TEDC1: variants seen among roughly 807,000 people sequenced by gnomAD.
The protein encoded by TEDC1 is tubulin epsilon and delta complex protein 1.
Under a neutral mutation model 59.9 loss-of-function variants are expected in TEDC1, and 54 were observed. The ratio of observed to expected loss-of-function variants is 0.90; its 90% CI spans 0.72 to 1.13. The LOEUF is 1.13. Among genes scored for constraint, TEDC1 ranks in the 50% most tolerant of loss-of-function variants. The pLI is 0.00. For synonymous variants in TEDC1, 353 were observed against 298.1 expected, an observed-to-expected ratio of 1.18 and a Z score of -1.90; for missense variants, 734 against 683.4, an observed-to-expected ratio of 1.07 and a Z score of -0.83.
chr14:105,495,891 G>A lies in TEDC1; in HGVS notation c.696G>A (p.Ala232=), dbSNP rs782728088. Residue 232 remains alanine (A), a synonymous_variant, in exon 6 of 9, where the codon GCG becomes GCA. Transcript: ENST00000392523. ...GGCTTCCTTCCAAGGTTTCTGGAGC[G>A]GGAGCTGCCCAAAACCTGGACCTGG... ...DPEGGQQVSG[A]GAAQNLDLAY... is the part of the protein sequence containing the mutation. 9.0e-6 allele frequency: 14 copies of A among 1,549,610 alleles called. No individual in the cohort carries two copies. Among genetic ancestry groups the A allele is most frequent in the East Asian group, 2.4e-5 (1 of 40,906 alleles).
chr14:105,491,390 G>A lies in TEDC1; in HGVS notation c.15G>A (p.Arg5=), dbSNP rs2084203187. MGRR[R]QRVDPAAGAR... ...GTGCTGGCTGCATGGGGAGGCGGCG[G>A]CAGCGGGTGGACCCCGCGGCTGGGG... The change falls in exon 1 of 9, where the codon CGG becomes CGA. Residue 5 remains arginine (R), a synonymous_variant. Transcript: ENST00000392523. 1.1e-5 allele frequency: 16 copies of A among 1,421,638 alleles called. No individual in the cohort carries two copies. The highest frequency in any genetic ancestry group is 1.5e-5 in the Non-Finnish European group (16 of 1,097,230). 88.1% of individuals were successfully genotyped at this position (1,421,638 alleles called of 1,614,324 possible). A position where few individuals can be genotyped will look rare whatever the true frequency, so the allele number is the denominator to read the frequency against.
intron 5 of TEDC1, 45 bp downstream of exon 5, chr14:105,493,978 G>GC: frequency 2.1e-6 from 1 of 481,100 alleles, no homozygotes; most frequent in Non-Finnish European, 3.8e-6. Context: ...GTGGGCTGGG[G>GC]GGCACAGCAG....
Position 105,499,223 on chromosome 14 carries a change from T to TC in TEDC1, c.*279dup. On this transcript the variant is annotated 3_prime_UTR_variant, in exon 9 of 9. Transcript: ENST00000392523. The stretch of plus-strand genomic sequence containing the variant: ...ACTCGGAAATAAATTGTAGCAGCTT[T>TC]CCTGCCGCTGGCCCTCCCCCTGCCA... The TC allele has an allele frequency of 1.9e-6, 1 of 534,924 alleles. No homozygotes were observed. Among genetic ancestry groups the TC allele is most frequent in the Non-Finnish European group, 3.3e-6 (1 of 300,648 alleles). 33.1% of individuals were successfully genotyped at this position (534,924 alleles called of 1,614,324 possible).
chr14:105,494,970 A>G (rs1419577311), intron 5 of TEDC1: 2 of 152,314 alleles, frequency 1.3e-5, no homozygotes, highest in African/African-American at 4.8e-5. Flanking sequence ...TCCTGGGTTC[A>G]AGCGATTTTC....
At position 105,498,960 on chromosome 14, in the gene TEDC1, G is replaced by A. The variant is rs1555441180; in HGVS notation, c.*14G>A. 3.2e-6 allele frequency: 5 copies of A among 1,586,194 alleles called. No individual in the cohort carries two copies. Among genetic ancestry groups the A allele is most frequent in the Admixed American group, 1.7e-5 (1 of 57,490 alleles). On this transcript the variant is annotated 3_prime_UTR_variant, in exon 9 of 9. Transcript: ENST00000392523. ...CCTGGACGCTGAGGGCCTGTCGACG[G>A]GCCCTCGTGTGGGAAGCCTGCCCTG... is the stretch of plus-strand genomic sequence containing the variant.
Position 105,492,205 on chromosome 14 carries a change from G to A in TEDC1, c.325G>A (p.Glu109Lys), listed in dbSNP as rs782186927. 1.2e-6 allele frequency: 2 copies of A among 1,612,696 alleles called. No homozygotes were observed. The highest frequency in any genetic ancestry group is 1.1e-5 in the South Asian group (1 of 91,084). ...TGAGGATGGCTCGCAGGGCAGTCGG[G>A]AGCTGCTGCTGGCTCTGTCCTGGCT... ...LPEDGSQGSR[E>K]LLLALSWLLA... is the part of the protein sequence containing the mutation. Residue 109 changes from glutamate to lysine, a missense_variant, in exon 3 of 9, where the codon GAG becomes AAG. Physicochemically the swap from Glu to Lys is moderately conservative, Grantham distance 56. Transcript: ENST00000392523.
At chr14:105,497,213 T>C (rs2084365800) in intron 6 of TEDC1, 144 bp from the exon 7 acceptor site, 2 of 805,166 alleles carry the variant, frequency 2.5e-6, no homozygotes, top group Middle Eastern at 3.5e-4. Context: ...CCAGAGAACC[T>C]GGGCGCAGGC....
At position 105,491,321 on chromosome 14, in the gene TEDC1, C is replaced by T. The variant is rs1595468489; in HGVS notation, c.-55C>T. ...ACCCGGCCCGTGCGGTGATTGGACG[C>T]AGGCCCCGGGCCGCGGCGGAGGCGG... On this transcript the variant is annotated 5_prime_UTR_variant, in exon 1 of 9. Transcript: ENST00000392523. 2 of 1,477,536 alleles carry T rather than the reference C, an allele frequency of 1.4e-6. No homozygotes were observed. Among genetic ancestry groups the T allele is most frequent in the Non-Finnish European group, 1.8e-6 (2 of 1,117,124 alleles). The allele number at this position is 1,477,536 out of a possible 1,614,324, so 91.5% of individuals were successfully genotyped here.
Position 105,499,234 on chromosome 14 carries a change from G to A in TEDC1, c.*288G>A, listed in dbSNP as rs1002012294. On this transcript the variant is annotated 3_prime_UTR_variant, in exon 9 of 9. Coordinates refer to ENST00000392523, the MANE Select transcript of TEDC1 (RefSeq NM_001367178.1). ...AATTGTAGCAGCTTTCCTGCCGCTG[G>A]CCCTCCCCCTGCCACCCTGTCGGGT... is the stretch of plus-strand genomic sequence containing the variant. 28 of 522,804 alleles carry A rather than the reference G, an allele frequency of 5.4e-5. No homozygotes were observed. Among genetic ancestry groups the A allele is most frequent in the South Asian group, 3.1e-4 (13 of 42,256 alleles). The allele number at this position is 522,804 out of a possible 1,614,324, so 32.4% of individuals were successfully genotyped here.
intron 7 of TEDC1, 65 bp downstream of exon 7, chr14:105,497,508 C>G (rs587656406): frequency 3.3e-6 from 5 of 1,503,620 alleles, no homozygotes; most frequent in Non-Finnish European, 4.5e-6. Flanking sequence ...GTGGGGCATT[C>G]GGGATCTTCC....
chr14:105,498,824 A>G lies in TEDC1; in HGVS notation c.1366A>G (p.Arg456Gly), dbSNP rs782250848. 6 of 1,605,098 alleles carry G rather than the reference A, an allele frequency of 3.7e-6. No homozygotes were observed. The highest frequency in any genetic ancestry group is 5.1e-6 in the Non-Finnish European group (6 of 1,177,052). Residue 456 changes from arginine to glycine, a missense_variant, in exon 9 of 9, where the codon AGG (arginine) becomes GGG (glycine). Arg to Gly is a moderately radical substitution (Grantham distance 125). Coordinates refer to ENST00000392523, the MANE Select transcript of TEDC1 (RefSeq NM_001367178.1). ...LRAAVVIRTL[R>G]SQEACLEAVL... ...GGCAGCTGTGGTGATCAGGACGCTGAGGAGCCAGGAGGCCTGCCTGGAGGC... is the reference window on the plus strand; with the variant it reads ...GGCAGCTGTGGTGATCAGGACGCTGGGGAGCCAGGAGGCCTGCCTGGAGGC...
At chr14:105,497,276 C>A in intron 6 of TEDC1, 81 bp from the exon 7 acceptor site, 2 of 1,379,796 alleles carry the variant, frequency 1.4e-6, no homozygotes, top group Non-Finnish European at 1.0e-6. Context: ...CGGGTGTCGG[C>A]GCTGGGTCCA....
Position 105,494,119 on chromosome 14 carries a change from G to T in TEDC1, c.684+186G>T, listed in dbSNP as rs781827809. 4.0e-4 allele frequency: 244 copies of T among 603,836 alleles called. 1 individual carries two copies. The highest frequency in any genetic ancestry group is 5.8e-4 in the Non-Finnish European group (196 of 339,150). The allele number at this position is 603,836 out of a possible 1,614,324, so 37.4% of individuals were successfully genotyped here. A position where few individuals can be genotyped will look rare whatever the true frequency, so the allele number is the denominator to read the frequency against. ...AGACAGCTTCTCTGGGCCTCTCCTA[G>T]CCTCATGGGCCACTCACCCTTCCCT... On this transcript the variant is annotated intron_variant, in intron 5 of 8. Transcript: ENST00000392523.
At position 105,499,195 on chromosome 14, in the gene TEDC1, G is replaced by T; in HGVS notation, c.*249G>T. 1 of 566,802 alleles carries T rather than the reference G, an allele frequency of 1.8e-6. No homozygotes were observed. The highest frequency in any genetic ancestry group is 3.1e-6 in the Non-Finnish European group (1 of 320,270). The allele number at this position is 566,802 out of a possible 1,614,324, so 35.1% of individuals were successfully genotyped here. A position where few individuals can be genotyped will look rare whatever the true frequency, so the allele number is the denominator to read the frequency against. On this transcript the variant is annotated 3_prime_UTR_variant, in exon 9 of 9. Coordinates refer to ENST00000392523, the MANE Select transcript of TEDC1 (RefSeq NM_001367178.1). ...ACAGGCTCAGCCTGGTGGTCTGGAG[G>T]GGACTCGGAAATAAATTGTAGCAGC...
At chr14:105,497,162 G>A in intron 6 of TEDC1, 195 bp from the exon 7 acceptor site, 1 of 652,192 alleles carries the variant, frequency 1.5e-6, no homozygotes, top group South Asian at 1.7e-5. Flanking sequence ...GGTGGGCTGT[G>A]GCGTCCGCAC....
chr14:105,496,152 C>CCCCCCCCCGGGGGGG, intron 6 of TEDC1, 66 bp downstream of exon 6: 3 of 157,696 alleles, frequency 1.9e-5, no homozygotes, highest in East Asian at 1.5e-4. Flanking sequence ...GAGGGGGTGG[C>CCCCCCCCCGGGGGGG]GAGGGGGTGT....
chr14:105,492,541 T>C (rs1555439670), intron 3 of TEDC1, 38 bp from the exon 4 acceptor site: 1 of 1,520,386 alleles, frequency 6.6e-7, no homozygotes, highest in African/African-American at 1.4e-5. Context: ...GGGGGCAGGG[T>C]GGGGTGGGAG....
At position 105,498,775 on chromosome 14, in the gene TEDC1, GGCA is replaced by G. The variant is rs1479262016; in HGVS notation, c.1322_1324del (p.Ala441del). ...ACCGGCTGGTGAGACGAGAGGATGG[GGCA>G]GCAGGGGACCGGGACCTGCGGGCAG... On this transcript the variant is annotated inframe_deletion, in exon 9 of 9. Coordinates refer to ENST00000392523, the MANE Select transcript of TEDC1 (RefSeq NM_001367178.1). 4 of 1,571,174 alleles carry G rather than the reference GGCA, an allele frequency of 2.5e-6. No homozygotes were observed. In the East Asian group the frequency reaches 9.4e-5, roughly 37 times the overall value.
In TEDC1 at chr14:105,491,343, G is replaced by T; in HGVS notation, c.-33G>T. On this transcript the variant is annotated 5_prime_UTR_variant, in exon 1 of 9. Transcript: ENST00000392523. Reference sequence around the variant, plus strand: ...ACGCAGGCCCCGGGCCGCGGCGGAGGCGGGCGATCCGAAAGAGGCTGGTGC... The same window carrying T: ...ACGCAGGCCCCGGGCCGCGGCGGAGTCGGGCGATCCGAAAGAGGCTGGTGC... The T allele has an allele frequency of 1.4e-6, 2 of 1,461,956 alleles. No individual in the cohort carries two copies. The highest frequency in any genetic ancestry group is 1.4e-5 in the South Asian group (1 of 72,320). The allele number at this position is 1,461,956 out of a possible 1,614,324, so 90.6% of individuals were successfully genotyped here.
Sources: allele counts gnomAD v4.1 joint callset, GRCh38; gene constraint gnomAD v4.1.1; transcripts MANE v1.5; gene names NCBI Gene and HGNC (gene_info 2026-07-23, HGNC 2026-07-21).